Variants in PPM1L observed in about 807,000 individuals in gnomAD.
The protein encoded by PPM1L is protein phosphatase 1L.
PPM1L carries 13 observed loss-of-function variants against 31.4 expected under a neutral mutation model. That is an observed-to-expected ratio of 0.41 (90% CI 0.27 to 0.66). PPM1L has a LOEUF of 0.66. Ranked by LOEUF, PPM1L falls within the 30% of genes least tolerant of loss-of-function variation. The pLI is 0.29. For missense variants in PPM1L, 326 were observed against 453.7 expected (o/e 0.72, Z 2.56); for synonymous variants, 184 against 175.4 (o/e 1.05, Z -0.39).
chr3:160,824,796 A>AT (rs1157901549), intron 1 of PPM1L, among the ~76,000 whole-genome samples: 5 of 152,016 alleles, frequency 3.3e-5, no homozygotes, highest in South Asian at 2.1e-4. Flanking sequence ...TATGAGACTA[A>AT]TTTTTTTTAA....
At chr3:160,838,189 A>G (rs778709706) in intron 1 of PPM1L, among the ~76,000 whole-genome samples, 2 of 152,142 alleles carry the variant, frequency 1.3e-5, no homozygotes, top group African/African-American at 2.4e-5. Context: ...ACTTCCTTCC[A>G]TGGTTATGAA....
Position 161,048,532 on chromosome 3 carries a change from AG to A in PPM1L, c.575-16869del, listed in dbSNP as rs1719156317. On this transcript the variant is annotated intron_variant, in intron 2 of 3. Transcript: ENST00000498165. ...TGGAAGACAGTGTGGCGATTCCTCA[AG>A]GATCTAGAACTAGAAATACCATTTG... is the stretch of plus-strand genomic sequence containing the variant. Among the ~76,000 whole-genome samples, 4 of 152,270 alleles carry A rather than the reference AG, an allele frequency of 2.6e-5. No individual in the cohort carries two copies. In the South Asian group the frequency reaches 8.3e-4, roughly 32 times the overall value.
intron 2 of PPM1L, among the ~76,000 whole-genome samples, chr3:160,970,117 C>T (rs1281773476): frequency 1.3e-5 from 2 of 151,926 alleles, no homozygotes; most frequent in African/African-American, 4.8e-5. Context: ...GTGGATATAC[C>T]ACAGTTATTC....
intron 2 of PPM1L, among the ~76,000 whole-genome samples, chr3:160,997,080 C>T (rs1717347577): frequency 6.6e-6 from 1 of 152,014 alleles, no homozygotes; most frequent in Non-Finnish European, 1.5e-5. Context: ...AGTCCAAATA[C>T]CAGTGTGAAT....
intron 2 of PPM1L, among the ~76,000 whole-genome samples, chr3:160,995,244 G>GT (rs1559917349): frequency 6.6e-6 from 1 of 152,122 alleles, no homozygotes; most frequent in Non-Finnish European, 1.5e-5. Context: ...TTTGTTGGGT[G>GT]TTTTTTCAGT....
chr3:160,849,393 C>CTCTT (rs540054052), intron 1 of PPM1L, among the ~76,000 whole-genome samples: 1,642 of 151,286 alleles, frequency 0.011, 13 homozygotes, highest in South Asian at 0.017. Context: ...GACCTGCATT[C>CTCTT]TCTTTCTTTC....
At chr3:161,009,814 TG>T (rs1717831803) in intron 2 of PPM1L, among the ~76,000 whole-genome samples, 1 of 152,196 alleles carries the variant, frequency 6.6e-6, no homozygotes, top group East Asian at 1.9e-4. Flanking sequence ...TGAAATCTTC[TG>T]TACTTTAAAA....
intron 1 of PPM1L, among the ~76,000 whole-genome samples, chr3:160,910,277 C>CTTCCCCTTCCCT (rs1560147954): frequency 1.1e-4 from 13 of 121,388 alleles, no homozygotes; most frequent in African/African-American, 5.3e-4. Flanking sequence ...TCCCCTTCCC[C>CTTCCCCTTCCCT]TTCCCTTTCC....
intron 1 of PPM1L, among the ~76,000 whole-genome samples, chr3:160,907,282 T>C (rs1176411127): frequency 1.3e-5 from 2 of 152,078 alleles, no homozygotes; most frequent in Non-Finnish European, 2.9e-5. Context: ...TAGTGAGAAA[T>C]AAATAGTTTA....
chr3:160,772,918 T>G lies in PPM1L; in HGVS notation c.399+16211T>G, dbSNP rs563716179. 4.6e-5 allele frequency among the ~76,000 whole-genome samples: 7 copies of G among 152,342 alleles called. No homozygotes were observed. The South Asian group carries it at 1.2e-3, about 27-fold the overall frequency. On this transcript the variant is annotated intron_variant, in intron 1 of 3. Coordinates refer to ENST00000498165, the MANE Select transcript of PPM1L (RefSeq NM_139245.4). Reference sequence around the variant, plus strand: ...TCAATATTTCATTCATTTTTATTGCTGAATAGTATCCCATTGTATGGATAT... The same window carrying G: ...TCAATATTTCATTCATTTTTATTGCGGAATAGTATCCCATTGTATGGATAT...
At chr3:160,885,963 G>A (rs1417050049) in intron 1 of PPM1L, among the ~76,000 whole-genome samples, 1 of 152,202 alleles carries the variant, frequency 6.6e-6, no homozygotes, top group Non-Finnish European at 1.5e-5. Flanking sequence ...CCCTGGGTGG[G>A]GGAAGGGCGT....
intron 2 of PPM1L, among the ~76,000 whole-genome samples, chr3:160,965,104 A>G (rs1029211968): frequency 6.6e-6 from 1 of 151,780 alleles, no homozygotes; most frequent in Admixed American, 6.6e-5. Flanking sequence ...ACAAAAAATT[A>G]GCCGGGCGTG....
At chr3:160,903,406 G>A (rs1713628554) in intron 1 of PPM1L, among the ~76,000 whole-genome samples, 1 of 152,024 alleles carries the variant, frequency 6.6e-6, no homozygotes, top group African/African-American at 2.4e-5. Context: ...TGCTGTTAAT[G>A]TCTCCAACTG....
intron 1 of PPM1L, among the ~76,000 whole-genome samples, chr3:160,948,708 A>G (rs1239918963): frequency 6.6e-6 from 1 of 152,146 alleles, no homozygotes; most frequent in Non-Finnish European, 1.5e-5. Flanking sequence ...GCAATTTTGT[A>G]TGATTTAAAA....
intron 1 of PPM1L, among the ~76,000 whole-genome samples, chr3:160,849,164 T>C (rs544065339): frequency 1.3e-5 from 2 of 152,122 alleles, no homozygotes; most frequent in Non-Finnish European, 2.9e-5. Context: ...CCAGAAGCAC[T>C]CTGTCTTTTT....
intron 1 of PPM1L, among the ~76,000 whole-genome samples, chr3:160,928,164 C>T (rs1473957594): frequency 6.6e-6 from 1 of 152,154 alleles, no homozygotes; most frequent in Non-Finnish European, 1.5e-5. Context: ...GACAGCTAAA[C>T]TCTTGCTTTT....
chr3:161,012,253 T>G (rs1017387486), intron 2 of PPM1L, among the ~76,000 whole-genome samples: 2 of 152,184 alleles, frequency 1.3e-5, no homozygotes, highest in East Asian at 3.8e-4. Context: ...GTCAAAGGCC[T>G]TTTCTGCATC....
At chr3:160,786,012 A>G (rs990787114) in intron 1 of PPM1L, among the ~76,000 whole-genome samples, 1 of 150,538 alleles carries the variant, frequency 6.6e-6, no homozygotes, top group Non-Finnish European at 1.5e-5. Flanking sequence ...GGGGTTGACC[A>G]ATTTATACTT....
At chr3:160,858,830 A>G (rs1711804127) in intron 1 of PPM1L, among the ~76,000 whole-genome samples, 1 of 152,126 alleles carries the variant, frequency 6.6e-6, no homozygotes, top group Non-Finnish European at 1.5e-5. Context: ...CTATAATAAG[A>G]TGTTATTATG....
Sources: gnomAD v4.1 joint callset for allele counts (sites outside exome capture counted in the v4.1 genomes callset) on GRCh38, gnomAD v4.1.1 for gene constraint, MANE v1.5 for transcripts, NCBI Gene and HGNC (gene_info 2026-07-23, HGNC 2026-07-21) for gene names.